The following MRPS28 variants were observed in gnomAD, a reference collection of about 807,000 sequenced individuals.
The protein encoded by MRPS28 is mitochondrial ribosomal protein S28.
Under a neutral mutation model 10.8 loss-of-function variants are expected in MRPS28, and 7 were observed. The ratio of observed to expected loss-of-function variants is 0.65; its 90% CI spans 0.37 to 1.22. The LOEUF (loss-of-function observed/expected upper bound fraction) is 1.22. MRPS28 is among the 50% of genes most tolerant of loss of function. MRPS28 has a pLI of 0.02. For missense variants in MRPS28, 265 were observed against 232.9 expected (o/e 1.14, Z -0.90); for synonymous variants, 121 against 93.3 (o/e 1.30, Z -1.71).
At chr8:80,029,750 C>T (rs1250387539) in intron 1 of MRPS28, 4 of 1,473,806 alleles carry the variant, frequency 2.7e-6, no homozygotes, top group Non-Finnish European at 3.6e-6. Flanking sequence ...GCAGCGCTCC[C>T]CGCTGGTTAC....
At chr8:79,961,202 G>C (rs1807364381) in intron 2 of MRPS28, among the ~76,000 whole-genome samples, 1 of 152,106 alleles carries the variant, frequency 6.6e-6, no homozygotes, top group South Asian at 2.1e-4. Flanking sequence ...ATCTCTACTT[G>C]AAGATAATTC....
At chr8:79,966,060 C>T (rs1341147231) in intron 2 of MRPS28, among the ~76,000 whole-genome samples, 1 of 151,714 alleles carries the variant, frequency 6.6e-6, no homozygotes, top group Non-Finnish European at 1.5e-5. Flanking sequence ...CTAAATTGAC[C>T]AAAGGTTCTC....
intron 2 of MRPS28, among the ~76,000 whole-genome samples, chr8:79,975,153 C>T (rs1178124460): frequency 2.0e-5 from 3 of 151,960 alleles, no homozygotes; most frequent in Admixed American, 2.0e-4. Flanking sequence ...AAAAATTAGC[C>T]AGGTGTGGTG....
intron 2 of MRPS28, among the ~76,000 whole-genome samples, chr8:79,928,961 G>A (rs1016740586): frequency 3.3e-5 from 5 of 152,022 alleles, no homozygotes; most frequent in African/African-American, 7.2e-5. Context: ...CAGGAGAATC[G>A]CTTGAACCCA....
intron 1 of MRPS28, among the ~76,000 whole-genome samples, chr8:80,012,400 CT>C (rs554789908): frequency 1.9e-4 from 29 of 152,318 alleles, no homozygotes; most frequent in African/African-American, 5.8e-4. Flanking sequence ...CAAATGACTC[CT>C]AAAAACAGTA....
intron 2 of MRPS28, among the ~76,000 whole-genome samples, chr8:79,950,446 T>TC (rs1208089208): frequency 5.9e-5 from 9 of 152,144 alleles, no homozygotes; most frequent in African/African-American, 2.2e-4. Flanking sequence ...CTTTAGGATA[T>TC]TAGGGTATAA....
intron 2 of MRPS28, among the ~76,000 whole-genome samples, chr8:79,974,855 T>C (rs1277702526): frequency 6.6e-6 from 1 of 152,028 alleles, no homozygotes; most frequent in Non-Finnish European, 1.5e-5. Flanking sequence ...CAAAAAAAAG[T>C]TTGTCTCATA....
intron 2 of MRPS28, among the ~76,000 whole-genome samples, chr8:79,955,454 G>A (rs1030205689): frequency 6.6e-6 from 1 of 152,086 alleles, no homozygotes; most frequent in African/African-American, 2.4e-5. Context: ...TATTATAGGT[G>A]AGGATGTTGC....
chr8:79,934,520 A>T (rs1205518010), intron 2 of MRPS28, among the ~76,000 whole-genome samples: 2 of 152,248 alleles, frequency 1.3e-5, no homozygotes, highest in Non-Finnish European at 2.9e-5. Flanking sequence ...TAACCTTAAA[A>T]TACAGTTAAC....
chr8:79,936,360 T>C (rs993804230), intron 2 of MRPS28, among the ~76,000 whole-genome samples: 6 of 151,948 alleles, frequency 3.9e-5, no homozygotes, highest in Non-Finnish European at 5.9e-5. Flanking sequence ...AAAATAAAAA[T>C]TAATAAACTA....
At chr8:79,988,404 C>G (rs1441529643) in intron 2 of MRPS28, among the ~76,000 whole-genome samples, 2 of 148,254 alleles carry the variant, frequency 1.3e-5, no homozygotes, top group Non-Finnish European at 1.5e-5. Context: ...CACATGTACC[C>G]TAAAACTTAA....
chr8:79,919,937 T>TCTCCCCTTCTCCC (rs1554567138), intron 2 of MRPS28, among the ~76,000 whole-genome samples: 1 of 102,166 alleles, frequency 9.8e-6, no homozygotes. Context: ...CCTAATGCTA[T>TCTCCCCTTCTCCC]CCCTCCCCCC....
At chr8:79,921,221 T>C (rs10957946) in intron 2 of MRPS28, among the ~76,000 whole-genome samples, 93,270 of 151,632 alleles carry the variant, frequency 0.62, 30,071 homozygotes, top group East Asian at 0.75. Flanking sequence ...AGTCAGGTAG[T>C]GTGATGCCTC....
Position 80,030,052 on chromosome 8 carries a change from A to G in MRPS28, c.197T>C (p.Val66Ala). 1.2e-6 allele frequency: 2 copies of G among 1,613,466 alleles called. No individual in the cohort carries two copies. Among genetic ancestry groups the G allele is most frequent in the Non-Finnish European group, 1.7e-6 (2 of 1,179,742 alleles). The change falls in exon 1 of 3, where the codon GTG (valine) becomes GCG (alanine). Residue 66 changes from valine to alanine, a missense_variant. By Grantham distance (64) the Val-to-Ala change is moderately conservative. Transcript: ENST00000276585. The part of the protein sequence containing the change: ...LERHSELLQK[V>A]EPLQKGSPKN... ...GGGCTCCACCTTCTGTAGGGGCTCC[A>G]CCTTCTGTAGAAGCTCCGAGTGCCG...
At chr8:79,933,277 G>C (rs1478644578) in intron 2 of MRPS28, among the ~76,000 whole-genome samples, 2 of 152,184 alleles carry the variant, frequency 1.3e-5, no homozygotes, top group Non-Finnish European at 2.9e-5. Context: ...GCTTGCAGAG[G>C]CTGTGACCTC....
intron 1 of MRPS28, among the ~76,000 whole-genome samples, chr8:80,027,463 G>A (rs1289722540): frequency 6.6e-6 from 1 of 152,216 alleles, no homozygotes; most frequent in East Asian, 1.9e-4. Context: ...GGCCTCTGAA[G>A]CCACAGTAGA....
At chr8:79,975,071 G>A (rs754961098) in intron 2 of MRPS28, among the ~76,000 whole-genome samples, 19 of 152,100 alleles carry the variant, frequency 1.2e-4, no homozygotes, top group Non-Finnish European at 2.4e-4. Context: ...GACTGGCTGA[G>A]CCCAGGATTT....
At chr8:80,014,003 A>T (rs1051506068) in intron 1 of MRPS28, among the ~76,000 whole-genome samples, 3 of 152,236 alleles carry the variant, frequency 2.0e-5, no homozygotes, top group African/African-American at 7.2e-5. Context: ...ATGGAGAACA[A>T]AAGTATACAA....
intron 2 of MRPS28, among the ~76,000 whole-genome samples, chr8:79,995,444 AT>A (rs1190224314): frequency 6.6e-6 from 1 of 152,208 alleles, no homozygotes; most frequent in Non-Finnish European, 1.5e-5. Flanking sequence ...CTCAAGCAGG[AT>A]TTCGGATTGA....
Sources: allele counts gnomAD v4.1 joint callset (sites outside exome capture counted in the v4.1 genomes callset), GRCh38; gene constraint gnomAD v4.1.1; transcripts MANE v1.5; gene names NCBI Gene and HGNC (gene_info 2026-07-23, HGNC 2026-07-21).